The following TTC29 variants were observed in gnomAD, a reference collection of about 807,000 sequenced individuals.
The protein encoded by TTC29 is tetratricopeptide repeat protein 29.
A neutral mutation model predicts 58.1 loss-of-function variants in TTC29; 49 were observed. The ratio of observed to expected loss-of-function variants is 0.84; its 90% CI spans 0.67 to 1.07. The LOEUF (loss-of-function observed/expected upper bound fraction) is 1.07. TTC29 is among the 50% of genes least tolerant of loss of function. TTC29 has a pLI of 0.00. For missense variants in TTC29, 582 were observed against 555.6 expected, an observed-to-expected ratio of 1.05 and a Z score of -0.48; for synonymous variants, 209 against 196.8, an observed-to-expected ratio of 1.06 and a Z score of -0.52.
intron 11 of TTC29, among the ~76,000 whole-genome samples, chr4:146,735,837 T>C (rs546958386): frequency 4.0e-4 from 61 of 152,288 alleles, no homozygotes; most frequent in African/African-American, 1.4e-3. Context: ...CTTCCCTTCA[T>C]GGGTCTTACA....
At chr4:146,728,860 C>CACATATATATGTATATATATACAT (rs1561066862) in intron 11 of TTC29, among the ~76,000 whole-genome samples, 4,604 of 61,864 alleles carry the variant, frequency 0.074, 938 homozygotes, top group Middle Eastern at 0.19. Flanking sequence ...TATATATACA[C>CACATATATATGTATATATATACAT]ATATATATGT....
chr4:146,880,029 A>G (rs1731521418), intron 6 of TTC29, among the ~76,000 whole-genome samples: 1 of 152,160 alleles, frequency 6.6e-6, no homozygotes, highest in Non-Finnish European at 1.5e-5. Context: ...GCCTGCATGC[A>G]TGGCTCTATA....
intron 6 of TTC29, among the ~76,000 whole-genome samples, chr4:146,878,389 A>T (rs1296928036): frequency 6.6e-6 from 1 of 152,186 alleles, no homozygotes; most frequent in Non-Finnish European, 1.5e-5. Flanking sequence ...ATTAGGTGCT[A>T]GTCAAAATGC....
intron 11 of TTC29, among the ~76,000 whole-genome samples, chr4:146,786,041 G>A (rs1000429577): frequency 2.0e-5 from 3 of 151,800 alleles, no homozygotes; most frequent in Non-Finnish European, 4.4e-5. Context: ...TAGTAAACTT[G>A]GTTGGTTTGG....
intron 11 of TTC29, among the ~76,000 whole-genome samples, chr4:146,731,810 C>T (rs1218006916): frequency 6.6e-6 from 1 of 152,178 alleles, no homozygotes; most frequent in Non-Finnish European, 1.5e-5. Context: ...AATGCTGACA[C>T]TTGGGAATCA....
At chr4:146,775,919 T>C (rs893769980) in intron 11 of TTC29, among the ~76,000 whole-genome samples, 1 of 152,194 alleles carries the variant, frequency 6.6e-6, no homozygotes, top group Non-Finnish European at 1.5e-5. Flanking sequence ...CTTTACATAA[T>C]CCCATATTTC....
intron 6 of TTC29, among the ~76,000 whole-genome samples, chr4:146,889,019 G>T (rs1732176390): frequency 6.6e-6 from 1 of 152,144 alleles, no homozygotes. Flanking sequence ...CTTGAGTGAT[G>T]CTCAAATGTC....
At chr4:146,907,450 C>T (rs1318857271) in intron 5 of TTC29, among the ~76,000 whole-genome samples, 2 of 152,122 alleles carry the variant, frequency 1.3e-5, no homozygotes, top group Admixed American at 6.6e-5. Flanking sequence ...GTTTAAATAT[C>T]ACTGTAGAAT....
At chr4:146,710,490 ACTT>A (rs1488575438) in intron 11 of TTC29, among the ~76,000 whole-genome samples, 2 of 152,120 alleles carry the variant, frequency 1.3e-5, no homozygotes, top group African/African-American at 4.8e-5. Context: ...ATGACTGGAT[ACTT>A]CTTCTGGGTC....
At chr4:146,782,650 A>G (rs924533391) in intron 11 of TTC29, among the ~76,000 whole-genome samples, 2 of 151,974 alleles carry the variant, frequency 1.3e-5, no homozygotes, top group Non-Finnish European at 1.5e-5. Flanking sequence ...TCACATATCA[A>G]TGTAATCTAT....
At chr4:146,760,294 A>C (rs1394191815) in intron 11 of TTC29, among the ~76,000 whole-genome samples, 1 of 152,116 alleles carries the variant, frequency 6.6e-6, no homozygotes, top group African/African-American at 2.4e-5. Flanking sequence ...TAGATGATAC[A>C]AACAAACGGA....
At chr4:146,862,970 A>C (rs1462769214) in intron 8 of TTC29, among the ~76,000 whole-genome samples, 1 of 151,942 alleles carries the variant, frequency 6.6e-6, no homozygotes, top group Non-Finnish European at 1.5e-5. Flanking sequence ...AAAATACAAA[A>C]AATTAGCCGG....
At chr4:146,941,046 A>C (rs549912945) in intron 2 of TTC29, among the ~76,000 whole-genome samples, 1 of 152,216 alleles carries the variant, frequency 6.6e-6, no homozygotes, top group Non-Finnish European at 1.5e-5. Context: ...CAAGTCTATA[A>C]AATCAAATTA....
At chr4:146,791,304 CACTT>C (rs1456540387) in intron 11 of TTC29, among the ~76,000 whole-genome samples, 5 of 152,178 alleles carry the variant, frequency 3.3e-5, no homozygotes, top group Non-Finnish European at 5.9e-5. Flanking sequence ...AGCATGTACT[CACTT>C]AGTTCCTCTG....
chr4:146,774,967 C>T (rs1325329897), intron 11 of TTC29, among the ~76,000 whole-genome samples: 1 of 152,102 alleles, frequency 6.6e-6, no homozygotes, highest in Non-Finnish European at 1.5e-5. Context: ...ATAGTTAGGT[C>T]TTCTTGTTGA....
chr4:146,896,998 T>C (rs1732815045), intron 6 of TTC29, among the ~76,000 whole-genome samples: 1 of 152,182 alleles, frequency 6.6e-6, no homozygotes, highest in African/African-American at 2.4e-5. Context: ...GGATTAATGC[T>C]TAGTTTTTCT....
intron 11 of TTC29, among the ~76,000 whole-genome samples, chr4:146,761,345 A>T (rs1023935164): frequency 3.2e-4 from 49 of 151,986 alleles, no homozygotes; most frequent in African/African-American, 1.2e-3. Context: ...AGTAACCCTG[A>T]ATTCCACAAA....
chr4:146,874,737 CT>C lies in TTC29; in HGVS notation c.777del (p.Ala260LeufsTer4). ...EYKQAIKILI[K>X]ASEIAKEGSD... is the part of the protein sequence containing the mutation. ...CCACCTTCTTTGGCTATTTCAGAAGCTTTTATTAGAATTTTGATGGCCTGTT... is the reference window on the plus strand; with the variant it reads ...CCACCTTCTTTGGCTATTTCAGAAGCTTTATTAGAATTTTGATGGCCTGTT... On this transcript the variant is annotated frameshift_variant, in exon 7 of 13. Transcript: ENST00000325106. LOFTEE classifies it high-confidence loss of function. The C allele has an allele frequency of 6.2e-7, 1 of 1,604,560 alleles. No homozygotes were observed. The highest frequency in any genetic ancestry group is 8.5e-7 in the Non-Finnish European group (1 of 1,175,782).
At chr4:146,710,763 C>T (rs1332407283) in intron 11 of TTC29, among the ~76,000 whole-genome samples, 1 of 152,060 alleles carries the variant, frequency 6.6e-6, no homozygotes, top group African/African-American at 2.4e-5. Flanking sequence ...TAGAAATTGG[C>T]ACTTCTTTGT....
Sources: allele counts gnomAD v4.1 joint callset (sites outside exome capture counted in the v4.1 genomes callset), GRCh38; gene constraint gnomAD v4.1.1; transcripts MANE v1.5; gene names NCBI Gene and HGNC (gene_info 2026-07-23, HGNC 2026-07-21).